Variants in FOXO3 observed in about 807,000 individuals in gnomAD.
The protein encoded by FOXO3 is forkhead box O3.
Under a neutral mutation model 41.9 loss-of-function variants are expected in FOXO3, and 4 were observed. The ratio of observed to expected loss-of-function variants is 0.10; its 90% confidence interval spans 0.05 to 0.22. The LOEUF (loss-of-function observed/expected upper bound fraction) is 0.22, where lower values mean the gene tolerates loss of function less well. FOXO3 is among the 10% of genes least tolerant of loss of function. The pLI, the probability that FOXO3 is intolerant of heterozygous loss-of-function variation, is 1.00. For synonymous variants in FOXO3, 318 were observed against 389.3 expected (o/e 0.82, Z 2.16); for missense variants, 534 against 906.8 (o/e 0.59, Z 5.28).
chr6:108,619,380 A>G (rs187420203), intron 1 of FOXO3, among the ~76,000 whole-genome samples: 1 of 152,360 alleles, frequency 6.6e-6, no homozygotes, highest in African/African-American at 2.4e-5. Context: ...TCATCAAATA[A>G]TACTTATTAA....
At chr6:108,671,279 T>C (rs1204538268) in intron 2 of FOXO3, among the ~76,000 whole-genome samples, 1 of 152,208 alleles carries the variant, frequency 6.6e-6, no homozygotes, top group East Asian at 1.9e-4. Context: ...CAGAGCACTT[T>C]ATGTTTGATT....
At chr6:108,587,796 A>G (rs1562235184) in intron 1 of FOXO3, among the ~76,000 whole-genome samples, 1 of 152,140 alleles carries the variant, frequency 6.6e-6, no homozygotes, top group Non-Finnish European at 1.5e-5. Context: ...TGGTTCTGGA[A>G]CCTGGAACTT....
intron 1 of FOXO3, among the ~76,000 whole-genome samples, chr6:108,594,675 GCCCTGGTCTTTCCGGAC>G (rs1316154772): frequency 6.6e-6 from 1 of 152,166 alleles, no homozygotes; most frequent in African/African-American, 2.4e-5. Context: ...GCAGGGAGTG[GCCCTGGTCTTTCCGGAC>G]CCCTTGTGCC....
intron 1 of FOXO3, among the ~76,000 whole-genome samples, chr6:108,573,630 C>T (rs1327962034): frequency 6.6e-6 from 1 of 151,916 alleles, no homozygotes; most frequent in Non-Finnish European, 1.5e-5. Flanking sequence ...GAGTTTGAGA[C>T]CAGCCTGGCC....
At chr6:108,623,614 A>G (rs895964052) in intron 1 of FOXO3, among the ~76,000 whole-genome samples, 2 of 152,198 alleles carry the variant, frequency 1.3e-5, no homozygotes, top group African/African-American at 4.8e-5. Flanking sequence ...ACAAAGCCAC[A>G]TGGGAAGGCA....
At position 108,681,325 on chromosome 6, in the gene FOXO3, A is replaced by G. The variant is rs907053879; in HGVS notation, c.*1533A>G. The G allele has an allele frequency of 6.5e-6, 1 of 152,710 alleles. No individual in the cohort carries two copies. Among genetic ancestry groups the G allele is most frequent in the African/African-American group, 2.4e-5 (1 of 41,478 alleles). 9.5% of individuals were successfully genotyped at this position (152,710 alleles called of 1,614,324 possible). Reference sequence around the variant, plus strand: ...TATAAATGTATAAATATATTTTATCATGTACAGTACAAAAATGGAACCTTA... The same window carrying G: ...TATAAATGTATAAATATATTTTATCGTGTACAGTACAAAAATGGAACCTTA... On this transcript the variant is annotated 3_prime_UTR_variant, in exon 3 of 3. Transcript: ENST00000406360.
chr6:108,583,933 AAG>A (rs1457118594), intron 1 of FOXO3, among the ~76,000 whole-genome samples: 1,561 of 152,292 alleles, frequency 0.01, 30 homozygotes, highest in African/African-American at 0.035. Flanking sequence ...AGATGGTTGG[AAG>A]TTCTGGTCCT....
chr6:108,624,799 CT>C (rs887192657), intron 1 of FOXO3, among the ~76,000 whole-genome samples: 3 of 151,096 alleles, frequency 2.0e-5, no homozygotes, highest in Non-Finnish European at 4.4e-5. Context: ...AGTTGTTTAA[CT>C]TTTTTTTTAT....
At chr6:108,624,571 A>G (rs1294934708) in intron 1 of FOXO3, among the ~76,000 whole-genome samples, 1 of 152,200 alleles carries the variant, frequency 6.6e-6, no homozygotes, top group Admixed American at 6.5e-5. Context: ...CTTTGAAATA[A>G]GAAATTAAAT....
intron 1 of FOXO3, among the ~76,000 whole-genome samples, chr6:108,627,316 T>G (rs1777838026): frequency 6.6e-6 from 1 of 152,100 alleles, no homozygotes; most frequent in Non-Finnish European, 1.5e-5. Flanking sequence ...CTTGGATCTC[T>G]TGCGTATCAC....
chr6:108,604,541 A>G (rs1777139225), intron 1 of FOXO3, among the ~76,000 whole-genome samples: 1 of 152,238 alleles, frequency 6.6e-6, no homozygotes, highest in Admixed American at 6.5e-5. Flanking sequence ...ACATTTGTGA[A>G]CAAGGAATAA....
At chr6:108,629,999 C>T (rs939160189) in intron 1 of FOXO3, among the ~76,000 whole-genome samples, 1 of 152,168 alleles carries the variant, frequency 6.6e-6, no homozygotes, top group Non-Finnish European at 1.5e-5. Flanking sequence ...CCTCGAAGGT[C>T]TTAAAATGTT....
rs1361140910 is a variant in FOXO3, at chr6:108,663,782, G to A, written c.949G>A (p.Ala317Thr). The A allele has an allele frequency of 4.3e-6, 7 of 1,613,810 alleles. No individual in the cohort carries two copies. Among genetic ancestry groups the A allele is most frequent in the African/African-American group, 4.0e-5 (3 of 74,918 alleles). Residue 317 changes from alanine (A) to threonine (T), a missense_variant, in exon 2 of 3, where the codon GCC becomes ACC. By Grantham distance (58) the Ala-to-Thr change is moderately conservative. Coordinates refer to ENST00000406360, the MANE Select transcript of FOXO3 (RefSeq NM_001455.4). ...CTTCCGTTCACGCACCAATTCTAAC[G>A]CCAGCACAGTCAGTGGCCGCCTGTC... ...TDFRSRTNSNASTVSGRLSPI... is the reference protein window; with the variant it reads ...TDFRSRTNSNTSTVSGRLSPI...
chr6:108,603,316 A>G (rs1777106211), intron 1 of FOXO3, among the ~76,000 whole-genome samples: 1 of 152,234 alleles, frequency 6.6e-6, no homozygotes. Context: ...GACTAGCAGA[A>G]TCTGGCATTT....
chr6:108,614,452 C>A (rs937937769), intron 1 of FOXO3, among the ~76,000 whole-genome samples: 1 of 152,086 alleles, frequency 6.6e-6, no homozygotes, highest in Non-Finnish European at 1.5e-5. Flanking sequence ...TACATTGACT[C>A]TTCTATTATG....
At chr6:108,601,129 T>A (rs12196602) in intron 1 of FOXO3, among the ~76,000 whole-genome samples, 16,180 of 151,680 alleles carry the variant, frequency 0.11, 893 homozygotes, top group East Asian at 0.15. Flanking sequence ...TGCCTCAGCC[T>A]CCCCAGTAGG....
chr6:108,656,172 G>GA (rs376591206), intron 1 of FOXO3, among the ~76,000 whole-genome samples: 116 of 88,540 alleles, frequency 1.3e-3, no homozygotes, highest in East Asian at 2.4e-3. Context: ...TGTCTTTAAA[G>GA]AAAAAAAAAA....
rs1282177249 is a variant in FOXO3, at chr6:108,561,187, C to T, written c.-22C>T. The stretch of plus-strand genomic sequence containing the variant: ...GAGAGGAGAGCGCGAGAGCCCCAGC[C>T]GCGGGCGGGCGGGCGGCGAAGATGG... On this transcript the variant is annotated 5_prime_UTR_variant, in exon 1 of 3. Transcript: ENST00000406360. The T allele has an allele frequency of 2.6e-6, 4 of 1,527,836 alleles. No individual in the cohort carries two copies. Among genetic ancestry groups the T allele is most frequent in the Non-Finnish European group, 3.5e-6 (4 of 1,139,566 alleles). The allele number at this position is 1,527,836 out of a possible 1,614,324, so 94.6% of individuals were successfully genotyped here.
chr6:108,674,494 T>G (rs1770499970), intron 2 of FOXO3, among the ~76,000 whole-genome samples: 1 of 152,196 alleles, frequency 6.6e-6, no homozygotes, highest in South Asian at 2.1e-4. Flanking sequence ...TTGCTTAGCT[T>G]TCAAGGAGTT....
Sources: gnomAD v4.1 joint callset for allele counts (sites outside exome capture counted in the v4.1 genomes callset) on GRCh38, gnomAD v4.1.1 for gene constraint, MANE v1.5 for transcripts, NCBI Gene and HGNC (gene_info 2026-07-23, HGNC 2026-07-21) for gene names.